C5: variants seen among roughly 807,000 people sequenced by gnomAD.
The protein encoded by C5 is complement C5.
A neutral mutation model predicts 218.8 loss-of-function variants in C5; 140 were observed. That is an observed-to-expected ratio of 0.64 (90% CI 0.56 to 0.74). The LOEUF (loss-of-function observed/expected upper bound fraction) is 0.74. Ranked by LOEUF, C5 falls within the 30% of genes least tolerant of loss-of-function variation. C5 has a pLI of 0.00. For synonymous variants in C5, 614 were observed against 682.3 expected, an observed-to-expected ratio of 0.90 and a Z score of 1.56; for missense variants, 1,700 against 1,969.6, an observed-to-expected ratio of 0.86 and a Z score of 2.59.
intron 6 of C5, among the ~76,000 whole-genome samples, chr9:121,031,159 T>C (rs1051687462): frequency 6.6e-6 from 1 of 151,928 alleles, no homozygotes; most frequent in African/African-American, 2.4e-5. Flanking sequence ...CTTGAGGGAA[T>C]AAAAAATGGC....
the C5 span, among the ~76,000 whole-genome samples, chr9:121,074,577 G>A: frequency 6.6e-6 from 1 of 152,246 alleles, no homozygotes; most frequent in Non-Finnish European, 1.5e-5. Flanking sequence ...CAGAAGTGGG[G>A]GAGGCCGGGG....
the C5 span, among the ~76,000 whole-genome samples, chr9:121,068,897 T>C: frequency 1.3e-5 from 2 of 152,174 alleles, no homozygotes; most frequent in Admixed American, 1.3e-4. Flanking sequence ...GTCTCTTTAA[T>C]AAATGGTCCT....
At chr9:121,070,169 C>T in the C5 span, among the ~76,000 whole-genome samples, 1 of 151,704 alleles carries the variant, frequency 6.6e-6, no homozygotes, top group Non-Finnish European at 1.5e-5. Context: ...ACTAGCCTGA[C>T]CAACATGGAG....
chr9:120,961,661 C>T (rs2046828530), intron 36 of C5, 96 bp from the exon 37 acceptor site: 2 of 809,692 alleles, frequency 2.5e-6, no homozygotes, highest in Middle Eastern at 2.2e-4. Flanking sequence ...TCAGAGATTG[C>T]TTATTTTAAA....
rs750156638 is a variant in C5, at chr9:121,050,233, C to T, written c.14G>A (p.Gly5Glu). 8 of 1,613,652 alleles carry T rather than the reference C, an allele frequency of 5.0e-6. No individual in the cohort carries two copies. Among genetic ancestry groups the T allele is most frequent in the Non-Finnish European group, 6.8e-6 (8 of 1,179,750 alleles). The change falls in exon 1 of 41, where the codon GGA (glycine) becomes GAA (glutamate). Residue 5 changes from glycine to glutamate, a missense_variant. Coordinates refer to ENST00000223642, the MANE Select transcript of C5 (RefSeq NM_001735.3). MGLL[G>E]ILCFLIFLGK... ...CAGGAAGATTAAAAAACAAAGTATT[C>T]CCAAAAGGCCCATGGTTGGAGGTAG...
intron 23 of C5, among the ~76,000 whole-genome samples, chr9:120,990,205 C>A (rs1175926203): frequency 2.6e-5 from 4 of 152,210 alleles, no homozygotes; most frequent in South Asian, 2.1e-4. Flanking sequence ...TTATATCCAA[C>A]AGCAGGGTTG....
At chr9:120,998,995 A>C (rs1482673758) in intron 20 of C5, among the ~76,000 whole-genome samples, 1 of 152,214 alleles carries the variant, frequency 6.6e-6, no homozygotes, top group Non-Finnish European at 1.5e-5. Context: ...AAGCCAGAGC[A>C]AAAGACTATT....
In C5 at chr9:121,014,063, T is replaced by G; in HGVS notation, c.2067A>C (p.Lys689Asn). The G allele has an allele frequency of 6.2e-7, 1 of 1,613,896 alleles. No individual in the cohort carries two copies. The highest frequency in any genetic ancestry group is 8.5e-7 in the Non-Finnish European group (1 of 1,179,820). ...LQKKIEEIAA[K>N]YKHSVVKKCC... ...ATTTCTTCACTACTGAATGTTTATA[T>G]TTAGCAGCTGAAATGGTAATAATGC... Residue 689 changes from lysine to asparagine, a missense_variant, in exon 17 of 41, where the codon AAA (lysine) becomes AAC (asparagine). Lys to Asn is a moderately conservative substitution (Grantham distance 94). Transcript: ENST00000223642.
Position 120,997,729 on chromosome 9 carries a change from T to C in C5, c.2608A>G (p.Ser870Gly), listed in dbSNP as rs1339433627. Residue 870 changes from serine to glycine, a missense_variant, in exon 21 of 41, where the codon AGC becomes GGC. Physicochemically the swap from Ser to Gly is moderately conservative, Grantham distance 56. Coordinates refer to ENST00000223642, the MANE Select transcript of C5 (RefSeq NM_001735.3). The part of the protein sequence containing the change: ...SAVEGICTSE[S>G]PVIDHQGTKS... The stretch of plus-strand genomic sequence containing the variant: ...GTGCCCTGATGATCAATGACTGGGC[T>C]TTCCGAAGTGCAGATTCCCTCCACA... 5 of 1,614,040 alleles carry C rather than the reference T, an allele frequency of 3.1e-6. No individual in the cohort carries two copies. In the African/African-American group the frequency reaches 6.7e-5, roughly 22 times the overall value.
the C5 span, among the ~76,000 whole-genome samples, chr9:121,072,271 T>TA: frequency 9.7e-4 from 147 of 152,284 alleles, no homozygotes; most frequent in African/African-American, 3.4e-3. Context: ...ATTTGATGGC[T>TA]ATTAATTGAT....
intron 3 of C5, among the ~76,000 whole-genome samples, chr9:121,039,531 G>C (rs1299449053): frequency 6.6e-6 from 1 of 152,022 alleles, no homozygotes; most frequent in African/African-American, 2.4e-5. Context: ...CACTTACTTG[G>C]GATGCTGAGG....
Position 121,025,448 on chromosome 9 carries a change from A to ACACACACACACACACT in C5, c.1000+5_1000+6insAGTGTGTGTGTGTGTG. On this transcript the variant is annotated splice_donor_region_variant and intron_variant, in intron 9 of 40. Transcript: ENST00000223642. ...CACACACACACACACACACACACAC[A>ACACACACACACACACT]CTTACCTGTAGACTCTATGACTGTT... is the stretch of plus-strand genomic sequence containing the variant. 6.2e-7 allele frequency: 1 copy of ACACACACACACACACT among 1,607,930 alleles called. No homozygotes were observed.
At chr9:120,998,441 T>C (rs1352514446) in intron 20 of C5, among the ~76,000 whole-genome samples, 10 of 152,248 alleles carry the variant, frequency 6.6e-5, no homozygotes. Flanking sequence ...TCAGGTACTT[T>C]TTCATTTTCA....
Position 120,991,270 on chromosome 9 carries a change from G to A in C5, c.2862C>T (p.Ser954=). 1 of 1,599,850 alleles carries A rather than the reference G, an allele frequency of 6.3e-7. No individual in the cohort carries two copies. Among genetic ancestry groups the A allele is most frequent in the Non-Finnish European group, 8.6e-7 (1 of 1,167,078 alleles). ...TCCTGTATGGGAACTCCTTTCGTCT[G>A]CTAATGGTACCTGTAATTTAGAAAA... ...LDPRGIYGTI[S]RRKEFPYRIP... The change falls in exon 23 of 41, where the codon AGC becomes AGT. Residue 954 remains serine (S), a synonymous_variant. Transcript: ENST00000223642.
intron 9 of C5, among the ~76,000 whole-genome samples, chr9:121,025,126 G>A (rs540626485): frequency 4.6e-5 from 7 of 152,138 alleles, no homozygotes; most frequent in African/African-American, 1.4e-4. Context: ...TTTTCACCAC[G>A]TGAGGACACT....
At chr9:121,073,811 G>T in the C5 span, among the ~76,000 whole-genome samples, 1 of 152,076 alleles carries the variant, frequency 6.6e-6, no homozygotes, top group Non-Finnish European at 1.5e-5. Flanking sequence ...ACAGCGCCCG[G>T]CCAGGATTCA....
chr9:121,001,504 A>T (rs952103072), intron 20 of C5, among the ~76,000 whole-genome samples: 18 of 152,202 alleles, frequency 1.2e-4, no homozygotes, highest in African/African-American at 4.3e-4. Context: ...GTGTATTAAC[A>T]AACAATATAT....
At chr9:121,066,549 C>T in the C5 span, among the ~76,000 whole-genome samples, 4 of 151,726 alleles carry the variant, frequency 2.6e-5, no homozygotes, top group Non-Finnish European at 5.9e-5. Flanking sequence ...CATGCACTTA[C>T]GAACATAGCT....
rs571074197 is a variant in C5, at chr9:121,030,517, C to T, written c.668-30G>A. ...AAATAAAAACAAACAGGTAATATTA[C>T]CATTTTGATTAGAGCAGACTTTAAA... is the stretch of plus-strand genomic sequence containing the variant. On this transcript the variant is annotated intron_variant, in intron 6 of 40. Coordinates refer to ENST00000223642, the MANE Select transcript of C5 (RefSeq NM_001735.3). The T allele has an allele frequency of 6.0e-6, 8 of 1,332,682 alleles. No individual in the cohort carries two copies. The South Asian group carries it at 1.0e-4, about 17-fold the overall frequency. 82.6% of individuals were successfully genotyped at this position (1,332,682 alleles called of 1,614,324 possible). A position where few individuals can be genotyped will look rare whatever the true frequency, so the allele number is the denominator to read the frequency against.
Sources: gnomAD v4.1 joint callset for allele counts (sites outside exome capture counted in the v4.1 genomes callset) on GRCh38, gnomAD v4.1.1 for gene constraint, MANE v1.5 for transcripts, NCBI Gene and HGNC (gene_info 2026-07-23, HGNC 2026-07-21) for gene names.